The following PIK3C3 variants were observed in gnomAD, a reference collection of about 807,000 sequenced individuals.
PIK3C3 encodes the protein phosphatidylinositol 3-kinase catalytic subunit type 3.
Under a neutral mutation model 126.1 loss-of-function variants are expected in PIK3C3, and 95 were observed. The observed-to-expected ratio is 0.75, with a 90% CI of 0.64 to 0.89. The LOEUF is 0.89. Ranked by LOEUF, PIK3C3 falls within the 40% of genes least tolerant of loss-of-function variation. The probability of loss-of-function intolerance (pLI) is 0.00; values close to 1 mark genes in which losing one functional copy is unlikely to be tolerated. For missense variants in PIK3C3, 829 were observed against 1,063.2 expected, an observed-to-expected ratio of 0.78 and a Z score of 3.06; for synonymous variants, 374 against 360.0, an observed-to-expected ratio of 1.04 and a Z score of -0.44.
At chr18:41,999,010 T>C (rs1011064717) in intron 9 of PIK3C3, among the ~76,000 whole-genome samples, 2 of 152,122 alleles carry the variant, frequency 1.3e-5, no homozygotes, top group African/African-American at 4.8e-5. Flanking sequence ...TTGGAGGAAA[T>C]TGGTTCTCAC....
intron 12 of PIK3C3, among the ~76,000 whole-genome samples, chr18:42,016,162 C>T (rs1403070380): frequency 5.9e-5 from 9 of 152,014 alleles, no homozygotes; most frequent in Non-Finnish European, 1.2e-4. Flanking sequence ...TAGAACAGTT[C>T]AAGTGATTTT....
In PIK3C3 at chr18:42,084,509, G is replaced by A. The variant is rs1242011851; in HGVS notation, c.*3372G>A. ...ATGCATACCACCTGATCCAGGATGG[G>A]ATCCAGGAACAGAAAAAGAACATTA... On this transcript the variant is annotated 3_prime_UTR_variant, in exon 25 of 25. Transcript: ENST00000262039. 6.9e-6 allele frequency: 1 copy of A among 144,286 alleles called. No individual in the cohort carries two copies. Among genetic ancestry groups the A allele is most frequent in the African/African-American group, 2.6e-5 (1 of 39,006 alleles). 8.9% of individuals were successfully genotyped at this position (144,286 alleles called of 1,614,324 possible).
intron 6 of PIK3C3, among the ~76,000 whole-genome samples, chr18:41,991,694 T>A (rs1981786463): frequency 6.6e-6 from 1 of 152,198 alleles, no homozygotes; most frequent in Admixed American, 6.5e-5. Context: ...TTATTTATGA[T>A]CTTTTTTCAA....
chr18:41,990,099 AT>A (rs961803060), intron 5 of PIK3C3, among the ~76,000 whole-genome samples: 6 of 152,278 alleles, frequency 3.9e-5, no homozygotes, highest in African/African-American at 1.4e-4. Context: ...TTAGCTTAAA[AT>A]TGTTAGAAGG....
chr18:41,999,772 G>T (rs1368842618), intron 9 of PIK3C3, among the ~76,000 whole-genome samples: 1 of 152,164 alleles, frequency 6.6e-6, no homozygotes, highest in Non-Finnish European at 1.5e-5. Flanking sequence ...CCAGATCAGT[G>T]TGCTGTGACA....
intron 3 of PIK3C3, among the ~76,000 whole-genome samples, chr18:41,964,594 G>A (rs987376682): frequency 4.6e-5 from 7 of 151,962 alleles, no homozygotes; most frequent in Non-Finnish European, 8.8e-5. Context: ...GGGCTATTCT[G>A]TCAGTTAGGA....
chr18:42,012,422 G>A (rs968637798), intron 10 of PIK3C3, among the ~76,000 whole-genome samples: 2 of 152,138 alleles, frequency 1.3e-5, no homozygotes, highest in South Asian at 4.1e-4. Context: ...GGAGACTGAA[G>A]TTGAGTTGGT....
chr18:41,958,014 C>T (rs1979880125), intron 2 of PIK3C3, among the ~76,000 whole-genome samples: 1 of 152,044 alleles, frequency 6.6e-6, no homozygotes, highest in South Asian at 2.1e-4. Flanking sequence ...TTTACATGAC[C>T]AAAAACAAAA....
At position 42,085,476 on chromosome 18, in the gene PIK3C3, A is replaced by G. The variant is rs1360590406; in HGVS notation, c.*4339A>G. On this transcript the variant is annotated 3_prime_UTR_variant, in exon 25 of 25. Coordinates refer to ENST00000262039, the MANE Select transcript of PIK3C3 (RefSeq NM_002647.4). Reference sequence around the variant, plus strand: ...CTTAATTTTGAGACTAGTATTTCATACAGAAAAAGCTAATACTGATATCAC... The same window carrying G: ...CTTAATTTTGAGACTAGTATTTCATGCAGAAAAAGCTAATACTGATATCAC... The G allele has an allele frequency of 1.3e-5, 2 of 152,332 alleles. No homozygotes were observed. The highest frequency in any genetic ancestry group is 4.1e-4 in the South Asian group (2 of 4,826). The allele number at this position is 152,332 out of a possible 1,614,324, so 9.4% of individuals were successfully genotyped here.
At chr18:42,004,266 G>T in intron 9 of PIK3C3, 90 bp from the exon 10 acceptor site, 1 of 930,666 alleles carries the variant, frequency 1.1e-6, no homozygotes, top group Non-Finnish European at 1.7e-6. Context: ...CCGTGGCTCT[G>T]TCATTAGGAC....
rs1982551638 is a variant in PIK3C3, at chr18:42,006,496, C to T, written c.1170+1955C>T. ...AGAGGGTAGAGCTTAAAGTCCCACC[C>T]TCTAATCACATGGCTGGCTTTTCTC... On this transcript the variant is annotated intron_variant, in intron 10 of 24. Coordinates refer to ENST00000262039, the MANE Select transcript of PIK3C3 (RefSeq NM_002647.4). 2.0e-5 allele frequency among the ~76,000 whole-genome samples: 3 copies of T among 152,160 alleles called. No homozygotes were observed. The South Asian group carries it at 6.2e-4, about 31-fold the overall frequency.
chr18:42,067,310 C>G (rs1472519020), intron 23 of PIK3C3, 78 bp from the exon 24 acceptor site: 3 of 1,270,734 alleles, frequency 2.4e-6, no homozygotes, highest in Non-Finnish European at 3.4e-6. Flanking sequence ...CTTATAATGT[C>G]TGCATCAGTT....
At chr18:42,076,131 T>TATATATACAC (rs1985993220) in intron 24 of PIK3C3, among the ~76,000 whole-genome samples, 1 of 83,478 alleles carries the variant, frequency 1.2e-5, no homozygotes, top group African/African-American at 7.8e-5. Context: ...TGCGCATATA[T>TATATATACAC]ATATATATAT....
At chr18:41,959,980 C>A (rs1979997852) in intron 2 of PIK3C3, among the ~76,000 whole-genome samples, 1 of 152,150 alleles carries the variant, frequency 6.6e-6, no homozygotes, top group African/African-American at 2.4e-5. Flanking sequence ...AAGAGATATT[C>A]TATAAACCTT....
intron 2 of PIK3C3, among the ~76,000 whole-genome samples, chr18:41,961,140 C>T (rs988823416): frequency 1.1e-4 from 17 of 152,144 alleles, no homozygotes; most frequent in African/African-American, 3.9e-4. Context: ...ATTAGTTGGT[C>T]ATTGGTGTTG....
At chr18:42,061,517 G>A (rs1985313677) in intron 22 of PIK3C3, among the ~76,000 whole-genome samples, 1 of 152,124 alleles carries the variant, frequency 6.6e-6, no homozygotes, top group Admixed American at 6.5e-5. Context: ...GGGAGGTGGA[G>A]GTTGCAGTGA....
chr18:42,029,326 G>A lies in PIK3C3; in HGVS notation c.1592G>A (p.Gly531Asp). 1 of 1,607,022 alleles carries A rather than the reference G, an allele frequency of 6.2e-7. No homozygotes were observed. Among genetic ancestry groups the A allele is most frequent in the Non-Finnish European group, 8.5e-7 (1 of 1,173,636 alleles). ...MRRFSQALLK[G>D]DKSVRVMRSL... ...TTTTTCTCACTTTGAACCCTTCAGG[G>A]TGATAAGTCTGTCAGAGTTATGCGT... Residue 531 changes from glycine (G) to aspartate (D), a missense_variant and splice_region_variant, in exon 15 of 25, where the codon GGT (glycine) becomes GAT (aspartate). Transcript: ENST00000262039.
At chr18:42,073,118 G>A (rs1985844293) in intron 24 of PIK3C3, among the ~76,000 whole-genome samples, 1 of 152,098 alleles carries the variant, frequency 6.6e-6, no homozygotes, top group Non-Finnish European at 1.5e-5. Context: ...TTTTCAGAAT[G>A]ACTGTAAAAA....
intron 2 of PIK3C3, among the ~76,000 whole-genome samples, chr18:41,959,851 C>T (rs1979989943): frequency 6.6e-6 from 1 of 152,114 alleles, no homozygotes; most frequent in African/African-American, 2.4e-5. Flanking sequence ...TTTTATACAT[C>T]CTGCTCTTTA....
Sources: gnomAD v4.1 joint callset for allele counts (sites outside exome capture counted in the v4.1 genomes callset) on GRCh38, gnomAD v4.1.1 for gene constraint, MANE v1.5 for transcripts, NCBI Gene and HGNC (gene_info 2026-07-23, HGNC 2026-07-21) for gene names.